RPRD2: variants seen among roughly 807,000 people sequenced by gnomAD.
The protein encoded by RPRD2 is regulation of nuclear pre-mRNA domain containing 2, also known as regulation of nuclear pre-mRNA domain-containing protein 2.
RPRD2 carries 12 observed loss-of-function variants against 104.4 expected under a neutral mutation model. The observed-to-expected ratio is 0.11, with a 90% CI of 0.07 to 0.19. The LOEUF (loss-of-function observed/expected upper bound fraction) is 0.19. Among genes scored for constraint, RPRD2 ranks in the 10% least tolerant of loss-of-function variants. RPRD2 has a pLI of 1.00. For synonymous variants in RPRD2, 714 were observed against 684.9 expected (o/e 1.04, Z -0.66); for missense variants, 1,543 against 1,790.1 (o/e 0.86, Z 2.49).
chr1:150,439,962 C>CT (rs1666301355), intron 2 of RPRD2, among the ~76,000 whole-genome samples: 1 of 150,714 alleles, frequency 6.6e-6, no homozygotes, highest in East Asian at 1.9e-4. Context: ...TTCACTTCTA[C>CT]TTTAACACTT....
intron 2 of RPRD2, among the ~76,000 whole-genome samples, chr1:150,418,498 C>T (rs2102280090): frequency 6.6e-6 from 1 of 152,282 alleles, no homozygotes; most frequent in East Asian, 1.9e-4. Flanking sequence ...TTCCCACCAT[C>T]ATACTCCCAA....
Position 150,473,329 on chromosome 1 carries a change from T to C in RPRD2, c.4381T>C (p.Tyr1461His). The C allele has an allele frequency of 6.2e-6, 10 of 1,607,650 alleles. No individual in the cohort carries two copies. The highest frequency in any genetic ancestry group is 8.5e-6 in the Non-Finnish European group (10 of 1,176,994). Residue 1461 changes from tyrosine to histidine, a missense_variant, in exon 11 of 11, where the codon TAC becomes CAC. By Grantham distance (83) the Tyr-to-His change is moderately conservative (BLOSUM62 2). Around this residue, in one of 4 missense-constraint regions of RPRD2, gnomAD observed 880 missense variants for 885.6 expected, o/e 0.99. Coordinates refer to ENST00000369068, the MANE Select transcript of RPRD2 (RefSeq NM_015203.5). ...APKRPFFPPR[Y>H] ...AAAACGCCCATTCTTCCCTCCCAGGTACTGATGGAAACCAAGGGAAAGGCA... is the reference window on the plus strand; with the variant it reads ...AAAACGCCCATTCTTCCCTCCCAGGCACTGATGGAAACCAAGGGAAAGGCA...
intron 1 of RPRD2, among the ~76,000 whole-genome samples, chr1:150,401,985 A>G (rs1315665844): frequency 2.2e-5 from 3 of 139,404 alleles, no homozygotes; most frequent in African/African-American, 5.4e-5. Flanking sequence ...TTTTTGAGAC[A>G]GAGTCTCACT....
In RPRD2 at chr1:150,381,504, AT is replaced by A. The variant is rs35623676; in HGVS notation, c.205+16603del. ...TTGAGAACTGCTGCAATAGGACACAATTTTTTTTTTTTTTTTTTGAGACAGG... is the reference window on the plus strand; with the variant it reads ...TTGAGAACTGCTGCAATAGGACACAATTTTTTTTTTTTTTTTTGAGACAGG... On this transcript the variant is annotated intron_variant, in intron 1 of 10. Coordinates refer to ENST00000369068, the MANE Select transcript of RPRD2 (RefSeq NM_015203.5). Among the ~76,000 whole-genome samples, 423 of 138,338 alleles carry A rather than the reference AT, an allele frequency of 3.1e-3. 1 individual carries two copies. Among genetic ancestry groups the A allele is most frequent in the Middle Eastern group, 7.5e-3 (2 of 266 alleles). The allele number at this position is 138,338 out of a possible 152,430, so 90.8% of individuals were successfully genotyped here.
At chr1:150,436,886 C>CAA (rs34384837) in intron 2 of RPRD2, among the ~76,000 whole-genome samples, 90,569 of 150,376 alleles carry the variant, frequency 0.6, 27,612 homozygotes, top group African/African-American at 0.66. Context: ...GCCTGGGCAA[C>CAA]GAGCAAAACT....
intron 1 of RPRD2, among the ~76,000 whole-genome samples, chr1:150,388,883 C>T (rs1051588336): frequency 1.3e-5 from 2 of 151,990 alleles, no homozygotes; most frequent in Non-Finnish European, 2.9e-5. Context: ...AGGATACAGG[C>T]GTGAGCCACT....
Position 150,446,218 on chromosome 1 carries a change from C to T in RPRD2, c.695-8C>T. The T allele has an allele frequency of 1.3e-6, 2 of 1,531,966 alleles. No individual in the cohort carries two copies. Among genetic ancestry groups the T allele is most frequent in the Admixed American group, 2.4e-5 (1 of 40,844 alleles). The allele number at this position is 1,531,966 out of a possible 1,614,324, so 94.9% of individuals were successfully genotyped here. A position where few individuals can be genotyped will look rare whatever the true frequency, so the allele number is the denominator to read the frequency against. ...ATCCTGAAATGAATATTTCCCATGT[C>T]ATTTTAGATAAAACAGGTGGGAAGA... On this transcript the variant is annotated splice_region_variant and splice_polypyrimidine_tract_variant and intron_variant, in intron 6 of 10. Transcript: ENST00000369068.
At chr1:150,388,016 C>T (rs1335631780) in intron 1 of RPRD2, among the ~76,000 whole-genome samples, 1 of 145,912 alleles carries the variant, frequency 6.9e-6, no homozygotes, top group Non-Finnish European at 1.5e-5. Context: ...TCCTAGACTT[C>T]AGCCATCCTA....
intron 10 of RPRD2, among the ~76,000 whole-genome samples, chr1:150,468,490 T>G (rs1259803859): frequency 1.3e-5 from 2 of 152,192 alleles, no homozygotes; most frequent in African/African-American, 2.4e-5. Context: ...CTGAAAAATA[T>G]GCTGAAATAT....
chr1:150,470,512 T>C, intron 10 of RPRD2, 49 bp from the exon 11 acceptor site: 1 of 1,560,682 alleles, frequency 6.4e-7, no homozygotes, highest in Non-Finnish European at 8.7e-7. Flanking sequence ...GTTTGCATTG[T>C]ATGATAGGGA....
In RPRD2 at chr1:150,369,543, G is replaced by A. The variant is rs1660124074; in HGVS notation, c.205+4624G>A. Among the ~76,000 whole-genome samples, 4 of 121,486 alleles carry A rather than the reference G, an allele frequency of 3.3e-5. No homozygotes were observed. In the South Asian group the frequency reaches 8.7e-4, roughly 26 times the overall value. 79.7% of individuals were successfully genotyped at this position (121,486 alleles called of 152,430 possible). On this transcript the variant is annotated intron_variant, in intron 1 of 10. Transcript: ENST00000369068. Reference sequence around the variant, plus strand: ...GCGATCTCGGCTCACTGCAAGCTCCGCCTCCCGGGTTCACGCCATTCTCCT... The same window carrying A: ...GCGATCTCGGCTCACTGCAAGCTCCACCTCCCGGGTTCACGCCATTCTCCT...
chr1:150,391,097 A>G (rs1429173167), intron 1 of RPRD2, among the ~76,000 whole-genome samples: 1 of 152,212 alleles, frequency 6.6e-6, no homozygotes, highest in Non-Finnish European at 1.5e-5. Flanking sequence ...TGATAATTAT[A>G]GATTATTAAT....
chr1:150,387,992 A>G (rs1661728095), intron 1 of RPRD2, among the ~76,000 whole-genome samples: 1 of 144,168 alleles, frequency 6.9e-6, no homozygotes, highest in African/African-American at 2.6e-5. Flanking sequence ...TCTCAGCTCA[A>G]TGTAACCTCT....
chr1:150,382,241 A>G (rs1443152725), intron 1 of RPRD2, among the ~76,000 whole-genome samples: 1 of 152,192 alleles, frequency 6.6e-6, no homozygotes, highest in Non-Finnish European at 1.5e-5. Context: ...TAATATTAGC[A>G]AATAGCAAAA....
At chr1:150,453,372 C>CTT (rs1337940639) in intron 7 of RPRD2, among the ~76,000 whole-genome samples, 1 of 152,138 alleles carries the variant, frequency 6.6e-6, no homozygotes, top group Non-Finnish European at 1.5e-5. Context: ...TCTCCCAGCA[C>CTT]TTCCATCTCT....
intron 7 of RPRD2, among the ~76,000 whole-genome samples, chr1:150,456,201 T>C (rs1439969558): frequency 6.6e-6 from 1 of 152,046 alleles, no homozygotes; most frequent in Non-Finnish European, 1.5e-5. Flanking sequence ...TTTTTTTTTC[T>C]TGTCTGTCTC....
intron 2 of RPRD2, among the ~76,000 whole-genome samples, chr1:150,422,006 T>G (rs1002285005): frequency 2.0e-5 from 3 of 150,626 alleles, no homozygotes; most frequent in Admixed American, 6.7e-5. Context: ...ATACAGAACT[T>G]AAGTATTCCT....
Position 150,470,589 on chromosome 1 carries a change from T to C in RPRD2, c.1641T>C (p.Thr547=). ...QGLSSLLQSV[T]GNPVPASEAA... ...TGTCATCTTTACTTCAGAGTGTTAC[T>C]GGGAACCCAGTTCCAGCCAGTGAAG... The change falls in exon 11 of 11, where the codon ACT becomes ACC. Residue 547 remains threonine, a synonymous_variant. Transcript: ENST00000369068. The C allele has an allele frequency of 6.2e-7, 1 of 1,613,900 alleles. No homozygotes were observed. The highest frequency in any genetic ancestry group is 8.5e-7 in the Non-Finnish European group (1 of 1,179,818).
At chr1:150,441,421 C>T in intron 3 of RPRD2, 1 of 201,454 alleles carries the variant, frequency 5.0e-6, no homozygotes, top group Non-Finnish European at 1.0e-5. Flanking sequence ...AAGCATATAT[C>T]AGCAGTCTTT....
Sources: allele counts gnomAD v4.1 joint callset (sites outside exome capture counted in the v4.1 genomes callset), GRCh38; gene constraint gnomAD v4.1.1; regional missense constraint gnomAD v4.1.1; transcripts MANE v1.5; gene names NCBI Gene and HGNC (gene_info 2026-07-23, HGNC 2026-07-21).